The following COG5 variants were observed in gnomAD, a reference collection of about 807,000 sequenced individuals.
COG5 encodes the protein conserved oligomeric Golgi complex subunit 5.
Under a neutral mutation model 110.4 loss-of-function variants are expected in COG5, and 86 were observed. The observed-to-expected ratio is 0.78, with a 90% CI of 0.65 to 0.93. COG5 has a LOEUF of 0.93. Ranked by LOEUF, COG5 falls within the 40% of genes least tolerant of loss-of-function variation. COG5 has a pLI of 0.00. For synonymous variants in COG5, 360 were observed against 334.6 expected, an observed-to-expected ratio of 1.08 and a Z score of -0.83; for missense variants, 1,077 against 987.0, an observed-to-expected ratio of 1.09 and a Z score of -1.22.
intron 6 of COG5, among the ~76,000 whole-genome samples, chr7:107,518,303 T>C (rs1356036289): frequency 6.6e-6 from 1 of 152,280 alleles, no homozygotes; most frequent in Non-Finnish European, 1.5e-5. Context: ...AATTCACACA[T>C]AACAATTTTA....
At chr7:107,524,275 C>T (rs1800571855) in intron 6 of COG5, among the ~76,000 whole-genome samples, 1 of 152,264 alleles carries the variant, frequency 6.6e-6, no homozygotes, top group East Asian at 1.9e-4. Flanking sequence ...AATCTGTATC[C>T]ACTAGTAGTC....
intron 6 of COG5, among the ~76,000 whole-genome samples, chr7:107,447,618 A>G (rs1795085883): frequency 6.6e-6 from 1 of 152,218 alleles, no homozygotes; most frequent in Non-Finnish European, 1.5e-5. Flanking sequence ...GGCTATAGGC[A>G]TTATAGCATT....
chr7:107,459,098 TAAC>T (rs1795837754), intron 6 of COG5, among the ~76,000 whole-genome samples: 1 of 152,034 alleles, frequency 6.6e-6, no homozygotes. Context: ...GATGTAACCC[TAAC>T]CATATGAAAA....
chr7:107,233,711 A>AT (rs1181849661), intron 18 of COG5, among the ~76,000 whole-genome samples: 1 of 152,176 alleles, frequency 6.6e-6, no homozygotes, highest in African/African-American at 2.4e-5. Context: ...AGTGACCTCA[A>AT]TGGCTTTAAT....
chr7:107,502,999 A>G (rs1386668573), intron 6 of COG5, among the ~76,000 whole-genome samples: 1 of 152,044 alleles, frequency 6.6e-6, no homozygotes, highest in East Asian at 1.9e-4. Context: ...TTTGCTGTAG[A>G]GAAGCTATTT....
chr7:107,445,005 T>C (rs1226328992), intron 6 of COG5, among the ~76,000 whole-genome samples: 1 of 151,786 alleles, frequency 6.6e-6, no homozygotes, highest in African/African-American at 2.4e-5. Context: ...CTGGGCAACA[T>C]AGCAAAACCC....
intron 10 of COG5, among the ~76,000 whole-genome samples, chr7:107,331,211 C>T (rs991852210): frequency 6.6e-6 from 1 of 152,106 alleles, no homozygotes; most frequent in African/African-American, 2.4e-5. Flanking sequence ...CACGGTGGCT[C>T]ACGCCTGTAA....
intron 7 of COG5, among the ~76,000 whole-genome samples, chr7:107,379,883 A>G (rs1814961190): frequency 6.6e-6 from 1 of 152,182 alleles, no homozygotes; most frequent in Non-Finnish European, 1.5e-5. Context: ...CAGAAAATTT[A>G]TAAGGATATC....
chr7:107,254,177 GAAGA>G (rs546431461), intron 16 of COG5, among the ~76,000 whole-genome samples: 2 of 152,236 alleles, frequency 1.3e-5, no homozygotes, highest in African/African-American at 4.8e-5. Context: ...TCAAGGTAGA[GAAGA>G]AAGGACTGTT....
chr7:107,545,052 T>G (rs1802312422), intron 5 of COG5, among the ~76,000 whole-genome samples: 1 of 152,036 alleles, frequency 6.6e-6, no homozygotes, highest in African/African-American at 2.4e-5. Context: ...AGAATCAGTG[T>G]GCTTGAAAAG....
At chr7:107,393,368 G>A (rs145943985) in intron 7 of COG5, among the ~76,000 whole-genome samples, 1 of 151,984 alleles carries the variant, frequency 6.6e-6, no homozygotes, top group Non-Finnish European at 1.5e-5. Flanking sequence ...ACCCCATCAC[G>A]ATCTGTAGAA....
intron 11 of COG5, among the ~76,000 whole-genome samples, chr7:107,308,624 A>G (rs1175752390): frequency 2.0e-5 from 3 of 152,126 alleles, no homozygotes; most frequent in Non-Finnish European, 2.9e-5. Flanking sequence ...CTCATGAATT[A>G]TTTGGTTTCT....
At chr7:107,563,360 G>C (rs1224264686) in intron 1 of COG5, 4 of 274,312 alleles carry the variant, frequency 1.5e-5, no homozygotes, top group Non-Finnish European at 2.9e-5. Flanking sequence ...AAAGGAGTAA[G>C]CGTTTCCAGC....
chr7:107,315,336 A>G (rs1485886582), intron 11 of COG5, among the ~76,000 whole-genome samples: 1 of 152,160 alleles, frequency 6.6e-6, no homozygotes, highest in Non-Finnish European at 1.5e-5. Flanking sequence ...ATCTCAATGT[A>G]TCTCTTATTC....
chr7:107,487,725 A>G (rs1213874945), intron 6 of COG5, among the ~76,000 whole-genome samples: 2 of 149,116 alleles, frequency 1.3e-5, no homozygotes, highest in Non-Finnish European at 3.0e-5. Context: ...TATACCAGTA[A>G]AAAAAAAAAG....
intron 8 of COG5, among the ~76,000 whole-genome samples, chr7:107,365,746 G>T (rs115059271): frequency 2.0e-5 from 3 of 151,870 alleles, no homozygotes; most frequent in Non-Finnish European, 4.4e-5. Flanking sequence ...AGAATGCTAG[G>T]ATTCAACACT....
chr7:107,416,810 A>G (rs1001374834), intron 6 of COG5, among the ~76,000 whole-genome samples: 3 of 152,222 alleles, frequency 2.0e-5, no homozygotes, highest in South Asian at 2.1e-4. Flanking sequence ...AAAGCAGAAT[A>G]TATTACCTCA....
chr7:107,354,696 A>T (rs982918061), intron 10 of COG5, among the ~76,000 whole-genome samples: 58 of 152,312 alleles, frequency 3.8e-4, no homozygotes, highest in African/African-American at 1.3e-3. Context: ...AACAACAAAA[A>T]AGCGAAACTG....
At chr7:107,352,823 T>A (rs1812283060) in intron 10 of COG5, among the ~76,000 whole-genome samples, 2 of 152,224 alleles carry the variant, frequency 1.3e-5, no homozygotes, top group Non-Finnish European at 1.5e-5. Flanking sequence ...TTCTGTTTAA[T>A]GATAAAAACT....
Sources: gnomAD v4.1 joint callset for allele counts (sites outside exome capture counted in the v4.1 genomes callset) on GRCh38, gnomAD v4.1.1 for gene constraint, MANE v1.5 for transcripts, NCBI Gene and HGNC (gene_info 2026-07-23, HGNC 2026-07-21) for gene names.